Variants in ZNF69 observed in about 807,000 individuals in gnomAD.
ZNF69 encodes the protein ZNF3.
In ZNF69, 47 loss-of-function variants were observed where a neutral mutation model predicts 50.9. The ratio of observed to expected loss-of-function variants is 0.92; its 90% CI spans 0.73 to 1.18. ZNF69 has a LOEUF of 1.18. Among genes scored for constraint, ZNF69 ranks in the 50% most tolerant of loss-of-function variants. The pLI is 0.00. For missense variants in ZNF69, 717 were observed against 675.1 expected (o/e 1.06, Z -0.69); for synonymous variants, 216 against 223.1 (o/e 0.97, Z 0.29).
rs771910127 is a variant in ZNF69 at position 11,905,313 on chromosome 19, T to C, written c.916T>C (p.Cys306Arg). ...RIHTGEKAYQ[C>R]KECGKAFTCP... ...TCACACGGGAGAGAAGGCTTATCAATGTAAGGAATGTGGAAAAGCATTCAC... is the reference window on the plus strand; with the variant it reads ...TCACACGGGAGAGAAGGCTTATCAACGTAAGGAATGTGGAAAAGCATTCAC... The change falls in exon 4 of 4, where the codon TGT becomes CGT. Residue 306 changes from cysteine (C) to arginine (R), a missense_variant. Transcript: ENST00000429654. 6.8e-6 allele frequency: 11 copies of C among 1,614,140 alleles called. No individual in the cohort carries two copies. Among genetic ancestry groups the C allele is most frequent in the Non-Finnish European group, 9.3e-6 (11 of 1,180,016 alleles).
intron 1 of ZNF69, among the ~76,000 whole-genome samples, chr19:11,895,505 G>T (rs1479186982): frequency 6.6e-6 from 1 of 152,186 alleles, no homozygotes; most frequent in Admixed American, 6.5e-5. Flanking sequence ...TTAAGAGGTG[G>T]TCTGTACCAT....
At chr19:11,963,686 G>A in the ZNF69 span, among the ~76,000 whole-genome samples, 4 of 152,102 alleles carry the variant, frequency 2.6e-5, no homozygotes, top group African/African-American at 4.8e-5. Context: ...CAGCACCCCC[G>A]TCCCATGGAA....
At chr19:11,907,321 G>A (rs1299181194), downstream of ZNF69, among the ~76,000 whole-genome samples, 1 of 152,120 alleles carries the variant, frequency 6.6e-6, no homozygotes, top group African/African-American at 2.4e-5. Flanking sequence ...GAAATACAGA[G>A]AACGCCACAA....
the ZNF69 span, among the ~76,000 whole-genome samples, chr19:11,965,400 G>T: frequency 1.3e-5 from 2 of 152,230 alleles, no homozygotes; most frequent in Non-Finnish European, 2.9e-5. Flanking sequence ...GGGACCCCGG[G>T]TGTCCTGTCC....
chr19:11,934,250 C>T, the ZNF69 span, among the ~76,000 whole-genome samples: 4 of 147,976 alleles, frequency 2.7e-5, 1 homozygote, highest in Admixed American at 6.6e-5. Flanking sequence ...CTGCTAAAAA[C>T]GTCTGTGGGA....
chr19:11,916,467 T>C (rs1972523003), downstream of ZNF69, among the ~76,000 whole-genome samples: 2 of 152,014 alleles, frequency 1.3e-5, no homozygotes, highest in African/African-American at 4.8e-5. Flanking sequence ...ATATAAAAAT[T>C]AGCTGGGTGT....
chr19:11,942,476 G>A, the ZNF69 span, among the ~76,000 whole-genome samples: 33 of 152,222 alleles, frequency 2.2e-4, no homozygotes, highest in Non-Finnish European at 3.2e-4. Flanking sequence ...AGGACAAGCC[G>A]CAGACAAAAC....
chr19:11,925,093 G>T, the ZNF69 span: 1 of 1,174,500 alleles, frequency 8.5e-7, no homozygotes, highest in Non-Finnish European at 1.2e-6. Flanking sequence ...TCCGGAAATG[G>T]AGGGGGTCGC....
At chr19:11,948,493 C>G in the ZNF69 span, 14 of 1,613,962 alleles carry the variant, frequency 8.7e-6, no homozygotes, top group African/African-American at 1.3e-5. Context: ...ATATGAGTAT[C>G]AGGAATATGG....
At chr19:11,917,202 C>A (rs186492595), downstream of ZNF69, among the ~76,000 whole-genome samples, 322 of 152,300 alleles carry the variant, frequency 2.1e-3, 2 homozygotes, top group African/African-American at 6.8e-3. Flanking sequence ...GGTTACATAA[C>A]TGCTTAGTGC....
chr19:11,916,901 A>AC (rs1972527349), downstream of ZNF69, among the ~76,000 whole-genome samples: 1 of 151,934 alleles, frequency 6.6e-6, no homozygotes, highest in African/African-American at 2.4e-5. Context: ...TTGCCCACCC[A>AC]CCCCCATCTC....
the ZNF69 span, among the ~76,000 whole-genome samples, chr19:11,930,990 AT>A: frequency 1.4e-5 from 2 of 143,500 alleles, no homozygotes; most frequent in African/African-American, 5.7e-5. Flanking sequence ...CAAGAACAAA[AT>A]TCCGTCTCAA....
At chr19:11,953,767 A>T in the ZNF69 span, among the ~76,000 whole-genome samples, 1 of 152,206 alleles carries the variant, frequency 6.6e-6, no homozygotes, top group South Asian at 2.1e-4. Flanking sequence ...GGCCTAACAC[A>T]CCCAACATTA....
chr19:11,928,718 C>T, the ZNF69 span, among the ~76,000 whole-genome samples: 3 of 124,558 alleles, frequency 2.4e-5, no homozygotes, highest in Admixed American at 8.8e-5. Flanking sequence ...GGCGACAGAG[C>T]GAGACTCCGT....
At chr19:11,892,135 A>ATTTTTTTT (rs4071659) in intron 1 of ZNF69, among the ~76,000 whole-genome samples, 6 of 113,918 alleles carry the variant, frequency 5.3e-5, no homozygotes, top group Non-Finnish European at 8.7e-5. Context: ...CTCCTGGCTG[A>ATTTTTTTT]TTTTTTTTTT....
chr19:11,930,663 A>G, the ZNF69 span, among the ~76,000 whole-genome samples: 1 of 148,222 alleles, frequency 6.7e-6, no homozygotes, highest in African/African-American at 2.6e-5. Flanking sequence ...CACTTGTATC[A>G]TTGGCTGACA....
chr19:11,964,428 C>T, the ZNF69 span, among the ~76,000 whole-genome samples: 1 of 152,068 alleles, frequency 6.6e-6, no homozygotes, highest in Admixed American at 6.6e-5. Flanking sequence ...TGTTTGGGGG[C>T]GACACCTGGA....
chr19:11,975,947 T>C, the ZNF69 span, among the ~76,000 whole-genome samples: 1 of 151,474 alleles, frequency 6.6e-6, no homozygotes, highest in Non-Finnish European at 1.5e-5. Flanking sequence ...GCCCTTGTTA[T>C]CAGCATCTAT....
At chr19:11,909,925 T>C, downstream of ZNF69, among the ~76,000 whole-genome samples, 1 of 150,948 alleles carries the variant, frequency 6.6e-6, no homozygotes, top group East Asian at 1.9e-4. Context: ...GAAAACCCTA[T>C]CATCTCAGCC....
Sources: gnomAD v4.1 joint callset for allele counts (sites outside exome capture counted in the v4.1 genomes callset) on GRCh38, gnomAD v4.1.1 for gene constraint, MANE v1.5 for transcripts, NCBI Gene and HGNC (gene_info 2026-07-23, HGNC 2026-07-21) for gene names.